Variants in COL5A2 observed in about 807,000 individuals in gnomAD.
The protein encoded by COL5A2 is collagen type V alpha 2 chain.
Under a neutral mutation model 208.2 loss-of-function variants are expected in COL5A2, and 23 were observed. That is an observed-to-expected ratio of 0.11 (90% CI 0.08 to 0.16). The LOEUF (loss-of-function observed/expected upper bound fraction) is 0.16. Among genes scored for constraint, COL5A2 ranks in the 10% least tolerant of loss-of-function variants. COL5A2 has a pLI of 1.00. For missense variants in COL5A2, 1,590 were observed against 1,956.4 expected, an observed-to-expected ratio of 0.81 and a Z score of 3.53; for synonymous variants, 625 against 628.5, an observed-to-expected ratio of 0.99 and a Z score of 0.08.
chr2:189,419,453 G>C, the COL5A2 span, among the ~76,000 whole-genome samples: 1 of 152,120 alleles, frequency 6.6e-6, no homozygotes, highest in Middle Eastern at 3.4e-3. Flanking sequence ...ACAACTGCCT[G>C]GAAATTGGTC....
At chr2:189,263,811 T>C in the COL5A2 span, among the ~76,000 whole-genome samples, 1 of 152,122 alleles carries the variant, frequency 6.6e-6, no homozygotes, top group Non-Finnish European at 1.5e-5. Context: ...ATCCTACGTG[T>C]GTAGTAAGTA....
intron 1 of COL5A2, among the ~76,000 whole-genome samples, chr2:189,142,380 C>T (rs190258309): frequency 2.0e-3 from 302 of 152,062 alleles, no homozygotes; most frequent in African/African-American, 6.6e-3. Context: ...TTTTTTATAT[C>T]TGTGCATATC....
chr2:189,269,168 T>C, the COL5A2 span, among the ~76,000 whole-genome samples: 2 of 152,162 alleles, frequency 1.3e-5, no homozygotes, highest in African/African-American at 4.8e-5. Context: ...TTTTCCCTTG[T>C]ATGGAAAAAA....
chr2:189,092,502 G>A, intron 6 of COL5A2, 82 bp from the exon 7 acceptor site: 1 of 818,936 alleles, frequency 1.2e-6, no homozygotes, highest in Non-Finnish European at 2.1e-6. Flanking sequence ...CTTCTTAATG[G>A]CAAGGGAGTG....
At chr2:189,399,879 T>A in the COL5A2 span, among the ~76,000 whole-genome samples, 1 of 152,004 alleles carries the variant, frequency 6.6e-6, no homozygotes, top group Non-Finnish European at 1.5e-5. Context: ...TTTGTATTTT[T>A]TTGTAGAGAC....
chr2:189,319,073 A>G, the COL5A2 span, among the ~76,000 whole-genome samples: 1 of 152,246 alleles, frequency 6.6e-6, no homozygotes, highest in African/African-American at 2.4e-5. Flanking sequence ...TTGAGAAAAA[A>G]AAATAACCTT....
chr2:189,039,148 A>T, intron 51 of COL5A2, 124 bp downstream of exon 51: 1 of 1,203,236 alleles, frequency 8.3e-7, no homozygotes, highest in Non-Finnish European at 1.2e-6. Context: ...GCTCCATGAT[A>T]TGTTTACTAT....
the COL5A2 span, among the ~76,000 whole-genome samples, chr2:189,338,511 C>T: frequency 6.6e-6 from 1 of 152,040 alleles, no homozygotes; most frequent in African/African-American, 2.4e-5. Flanking sequence ...CGTTCCTAGC[C>T]AGCTCCCCCA....
the COL5A2 span, among the ~76,000 whole-genome samples, chr2:189,267,513 G>A: frequency 6.6e-6 from 1 of 152,000 alleles, no homozygotes; most frequent in East Asian, 1.9e-4. Context: ...GAAAATAGGA[G>A]CAATAAATAT....
chr2:189,311,643 G>T, the COL5A2 span: 2 of 789,898 alleles, frequency 2.5e-6, no homozygotes, highest in South Asian at 1.4e-5. Context: ...TCCAAGGACT[G>T]GACTGTATGT....
chr2:189,059,016 CAATTTAAAGAAAG>C (rs958186263), intron 31 of COL5A2, 123 bp from the exon 32 acceptor site: 2 of 675,790 alleles, frequency 3.0e-6, no homozygotes, highest in Admixed American at 5.4e-5. Context: ...CATAAGCCAA[CAATTTAAAGAAAG>C]AAAAGTACGT....
At chr2:189,056,335 G>A (rs971886911) in intron 35 of COL5A2, among the ~76,000 whole-genome samples, 1 of 152,136 alleles carries the variant, frequency 6.6e-6, no homozygotes, top group Non-Finnish European at 1.5e-5. Flanking sequence ...ACTCTTACAT[G>A]AGGAAATCAT....
At chr2:189,152,983 T>C (rs1688174964) in intron 1 of COL5A2, among the ~76,000 whole-genome samples, 1 of 152,118 alleles carries the variant, frequency 6.6e-6, no homozygotes, top group African/African-American at 2.4e-5. Flanking sequence ...ATATTCAGAG[T>C]GTAAAAGGAC....
chr2:189,275,921 C>T, the COL5A2 span, among the ~76,000 whole-genome samples: 6 of 152,066 alleles, frequency 3.9e-5, no homozygotes, highest in Non-Finnish European at 7.4e-5. Flanking sequence ...AATTTGTTAA[C>T]TGAAAATACA....
the COL5A2 span, among the ~76,000 whole-genome samples, chr2:189,289,797 G>C: frequency 1.3e-5 from 2 of 151,972 alleles, no homozygotes; most frequent in African/African-American, 4.8e-5. Context: ...ATTTATATTA[G>C]CTACCAAAGT....
At chr2:189,283,872 T>C in the COL5A2 span, among the ~76,000 whole-genome samples, 3 of 152,132 alleles carry the variant, frequency 2.0e-5, no homozygotes, top group African/African-American at 7.2e-5. Flanking sequence ...CTCTACCAAC[T>C]TCAAAAAATA....
chr2:189,214,672 G>A (rs1353469058), intron 1 of COL5A2, among the ~76,000 whole-genome samples: 1 of 152,146 alleles, frequency 6.6e-6, no homozygotes, highest in African/African-American at 2.4e-5. Flanking sequence ...AAAAGGGAGA[G>A]CAGTAGGAGG....
chr2:189,196,233 T>C lies in COL5A2; in HGVS notation c.-42+28915A>G, dbSNP rs539412851. Among the ~76,000 whole-genome samples the C allele has an allele frequency of 5.3e-5, 8 of 152,204 alleles. No individual in the cohort carries two copies. In the East Asian group the frequency reaches 1.2e-3, roughly 22 times the overall value. On this transcript the variant is annotated intron_variant, in intron 1 of 10. Transcript: ENST00000649966. ...TCAGTACTTCAAAGGTGGTGTTCCATTGATCTTCTGTCTTGCAATGTTTCT... is the reference window on the plus strand; with the variant it reads ...TCAGTACTTCAAAGGTGGTGTTCCACTGATCTTCTGTCTTGCAATGTTTCT...
chr2:189,404,596 A>G, the COL5A2 span, among the ~76,000 whole-genome samples: 2 of 152,216 alleles, frequency 1.3e-5, no homozygotes, highest in Admixed American at 6.5e-5. Flanking sequence ...TTGGCAGATC[A>G]TGGGACTTCT....
Sources: allele counts gnomAD v4.1 joint callset (sites outside exome capture counted in the v4.1 genomes callset), GRCh38; gene constraint gnomAD v4.1.1; transcripts MANE v1.5; gene names NCBI Gene and HGNC (gene_info 2026-07-23, HGNC 2026-07-21).